Variants in RRP1 observed in about 807,000 individuals in gnomAD.
RRP1 encodes ribosomal RNA processing 1, also known as ribosomal RNA processing protein 1 homolog A.
A neutral mutation model predicts 54.6 loss-of-function variants in RRP1; 37 were observed. That is an observed-to-expected ratio of 0.68 (90% CI 0.52 to 0.89). The LOEUF is 0.89. Ranked by LOEUF, RRP1 falls within the 40% of genes least tolerant of loss-of-function variation. The pLI is 0.00. For synonymous variants in RRP1, 262 were observed against 244.3 expected (o/e 1.07, Z -0.67); for missense variants, 639 against 612.5 (o/e 1.04, Z -0.46).
At position 43,797,455 on chromosome 21, in the gene RRP1, T is replaced by G. The variant is rs550001891; in HGVS notation, c.456T>G (p.Thr152=). The G allele has an allele frequency of 6.2e-7, 1 of 1,613,424 alleles. No homozygotes were observed. Among genetic ancestry groups the G allele is most frequent in the Non-Finnish European group, 8.5e-7 (1 of 1,179,926 alleles). ...QIEELLELLM[T]EILHPSSQAP... is the part of the protein sequence containing the mutation. Reference sequence around the variant, plus strand: ...AGGAGCTGCTAGAGCTGCTGATGACTGAGATCCTGCACCCCAGCAGCCAGG... The same window carrying G: ...AGGAGCTGCTAGAGCTGCTGATGACGGAGATCCTGCACCCCAGCAGCCAGG... The change falls in exon 6 of 13, where the codon ACT becomes ACG. Residue 152 remains threonine, a synonymous_variant. Transcript: ENST00000497547.
intron 12 of RRP1, 140 bp from the exon 13 acceptor site, chr21:43,803,372 C>A: frequency 8.3e-7 from 1 of 1,198,792 alleles, no homozygotes; most frequent in Non-Finnish European, 1.1e-6. Flanking sequence ...CCACACTGGA[C>A]ACGGGATGCG....
At chr21:43,801,602 C>A (rs915014395) in intron 11 of RRP1, among the ~76,000 whole-genome samples, 3 of 152,192 alleles carry the variant, frequency 2.0e-5, no homozygotes, top group African/African-American at 7.2e-5. Flanking sequence ...GCCTCCCAGT[C>A]GCTGGGACCA....
chr21:43,789,784 T>C, intron 1 of RRP1, 22 bp downstream of exon 1: 1 of 1,492,050 alleles, frequency 6.7e-7, no homozygotes, highest in Non-Finnish European at 8.9e-7. Context: ...TGTGGGCGGC[T>C]GGCGTCTCGG....
rs946083350 is a variant in RRP1, at chr21:43,789,889, C to A, written c.133+127C>A. On this transcript the variant is annotated intron_variant, in intron 1 of 12. Transcript: ENST00000497547. ...CCTCCACGTGGCCGGGCCGGGCAGG[C>A]GGGGTCCACTGGCCTGTTCCCGCTG... 5.9e-6 allele frequency: 7 copies of A among 1,192,766 alleles called. No individual in the cohort carries two copies. The East Asian group carries it at 1.9e-4, about 33-fold the overall frequency. 73.9% of individuals were successfully genotyped at this position (1,192,766 alleles called of 1,614,324 possible).
At chr21:43,790,900 T>C (rs1355794436) in intron 1 of RRP1, 1 of 436,810 alleles carries the variant, frequency 2.3e-6, no homozygotes, top group Non-Finnish European at 4.6e-6. Flanking sequence ...CTCAGTAATT[T>C]CTGTTTCTCT....
rs371997224 is a variant in RRP1 at position 43,800,895 on chromosome 21, G to A, written c.1009+14G>A. On this transcript the variant is annotated intron_variant, in intron 11 of 12. Transcript: ENST00000497547. Reference sequence around the variant, plus strand: ...ACCTGGCAGGAGGTGAGGATCGGCCGGGCACTGACAGTGGCACCACCTTGG... The same window carrying A: ...ACCTGGCAGGAGGTGAGGATCGGCCAGGCACTGACAGTGGCACCACCTTGG... The A allele has an allele frequency of 1.9e-6, 3 of 1,613,520 alleles. No homozygotes were observed. The highest frequency in any genetic ancestry group is 2.5e-6 in the Non-Finnish European group (3 of 1,179,986).
intron 1 of RRP1, among the ~76,000 whole-genome samples, 169 bp downstream of exon 1, chr21:43,789,931 C>A (rs2084939565): frequency 6.7e-6 from 1 of 149,886 alleles, no homozygotes. Context: ...GCCCACGGCC[C>A]CCGCCGCCGC....
chr21:43,800,783 T>G, intron 10 of RRP1, 79 bp from the exon 11 acceptor site: 1 of 1,597,160 alleles, frequency 6.3e-7, no homozygotes. Flanking sequence ...GCTAGGAACC[T>G]GCAGCCGCTC....
intron 8 of RRP1, among the ~76,000 whole-genome samples, chr21:43,798,508 CTG>C (rs1395545975): frequency 6.6e-6 from 1 of 152,206 alleles, no homozygotes. Context: ...TAGCGTCACT[CTG>C]TGGCACGGGA....
At position 43,800,530 on chromosome 21, in the gene RRP1, C is replaced by T; in HGVS notation, c.905C>T (p.Ala302Val). Residue 302 changes from alanine (A) to valine (V), a missense_variant, in exon 10 of 13, where the codon GCA becomes GTA. Ala to Val is a moderately conservative substitution (Grantham distance 64). Transcript: ENST00000497547. Reference sequence around the variant, plus strand: ...CTTTTGAAACAGTTTGACTACGAGGCAGTTGCTAACAGACTGTTTGAAATG... The same window carrying T: ...CTTTTGAAACAGTTTGACTACGAGGTAGTTGCTAACAGACTGTTTGAAATG... ...GGPVLQFDYE[A>V]VANRLFEMAS... The T allele has an allele frequency of 6.2e-7, 1 of 1,614,238 alleles. No individual in the cohort carries two copies. The highest frequency in any genetic ancestry group is 8.5e-7 in the Non-Finnish European group (1 of 1,180,016).
At chr21:43,801,612 A>G (rs1683283852) in intron 11 of RRP1, among the ~76,000 whole-genome samples, 1 of 152,192 alleles carries the variant, frequency 6.6e-6, no homozygotes, top group Non-Finnish European at 1.5e-5. Context: ...CGCTGGGACC[A>G]CAGGCGCACG....
At chr21:43,791,486 G>T in intron 2 of RRP1, 54 bp downstream of exon 2, 1 of 1,520,014 alleles carries the variant, frequency 6.6e-7, no homozygotes, top group Non-Finnish European at 9.1e-7. Context: ...AGGATGGATG[G>T]GCATCTGGTC....
In RRP1 at chr21:43,801,559, G is replaced by A. The variant is rs771634590; in HGVS notation, c.1009+678G>A. On this transcript the variant is annotated intron_variant, in intron 11 of 12. Transcript: ENST00000497547. The stretch of plus-strand genomic sequence containing the variant: ...GTGTGATGCAGCTCACTGCAGCCTC[G>A]ATCTCCTGGTCTCAAGCGATCCTCC... 5.9e-5 allele frequency among the ~76,000 whole-genome samples: 9 copies of A among 152,138 alleles called. 1 individual carries two copies. In the South Asian group the frequency reaches 6.2e-4, roughly 11 times the overall value.
At chr21:43,793,898 G>A in intron 4 of RRP1, among the ~76,000 whole-genome samples, 1 of 152,138 alleles carries the variant, frequency 6.6e-6, no homozygotes, top group East Asian at 1.9e-4. Flanking sequence ...GGAACACTGG[G>A]GTTTAGAGGT....
Position 43,789,704 on chromosome 21 carries a change from G to A in RRP1, c.75G>A (p.Arg25=). 6.4e-7 allele frequency: 1 copy of A among 1,554,840 alleles called. No individual in the cohort carries two copies. The highest frequency in any genetic ancestry group is 1.4e-5 in the African/African-American group (1 of 72,114). The change falls in exon 1 of 13, where the codon CGG becomes CGA. Residue 25 remains arginine, a synonymous_variant. Coordinates refer to ENST00000497547, the MANE Select transcript of RRP1 (RefSeq NM_003683.6). ...TGGCGGGGAATGAGCAGGTGACCCGGGACCGGGCGGTGAGGAAGCTCCGGA... is the reference window on the plus strand; with the variant it reads ...TGGCGGGGAATGAGCAGGTGACCCGAGACCGGGCGGTGAGGAAGCTCCGGA... ...QRLAGNEQVT[R]DRAVRKLRKY...
chr21:43,802,009 C>T (rs999307203), intron 11 of RRP1, among the ~76,000 whole-genome samples: 1 of 152,148 alleles, frequency 6.6e-6, no homozygotes, highest in Admixed American at 6.5e-5. Flanking sequence ...CTGCTGGTCC[C>T]AGGCATTTGG....
At chr21:43,790,405 A>G (rs757609174) in intron 1 of RRP1, 5 of 152,960 alleles carry the variant, frequency 3.3e-5, no homozygotes, top group Non-Finnish European at 5.8e-5. Context: ...CGCAAAAGAA[A>G]AGAAAGAAAT....
chr21:43,792,328 C>G (rs2084968796), intron 2 of RRP1, among the ~76,000 whole-genome samples: 1 of 152,182 alleles, frequency 6.6e-6, no homozygotes, highest in Admixed American at 6.5e-5. Flanking sequence ...CTGTGAGTCC[C>G]AAGGCTCCCT....
intron 9 of RRP1, 88 bp from the exon 10 acceptor site, chr21:43,800,429 G>C: frequency 8.0e-7 from 1 of 1,244,528 alleles, no homozygotes; most frequent in Non-Finnish European, 1.2e-6. Context: ...GTGGGACCAA[G>C]TGCTATCTGG....
Sources: gnomAD v4.1 joint callset for allele counts (sites outside exome capture counted in the v4.1 genomes callset) on GRCh38, gnomAD v4.1.1 for gene constraint, MANE v1.5 for transcripts, NCBI Gene and HGNC (gene_info 2026-07-23, HGNC 2026-07-21) for gene names.